The following ARHGAP6 variants were observed in gnomAD, a reference collection of about 807,000 sequenced individuals.
ARHGAP6 encodes rho GTPase-activating protein 6.
Under a neutral mutation model 55.7 loss-of-function variants are expected in ARHGAP6, and 16 were observed. The observed-to-expected ratio is 0.29, with a 90% CI of 0.19 to 0.44. The LOEUF is 0.44. Among genes scored for constraint, ARHGAP6 ranks in the 20% least tolerant of loss-of-function variants. ARHGAP6 has a pLI of 1.00. For missense variants in ARHGAP6, 698 were observed against 808.9 expected (o/e 0.86, Z 1.66); for synonymous variants, 382 against 360.9 (o/e 1.06, Z -0.66).
At chrX:11,272,671 C>T (rs1200159895) in intron 1 of ARHGAP6, among the ~76,000 whole-genome samples, 1 of 110,481 alleles carries the variant, frequency 9.1e-6, no homozygotes, top group African/African-American at 3.3e-5. Context: ...CTTAACAATG[C>T]TACCAATTAA....
chrX:11,275,190 TTGAC>T (rs1368855107), intron 1 of ARHGAP6, among the ~76,000 whole-genome samples: 13 of 111,981 alleles, frequency 1.2e-4, no homozygotes, highest in Non-Finnish European at 2.4e-4. Context: ...TATGTATCTC[TTGAC>T]TATTATATAT....
chrX:11,303,869 G>A (rs1347790283), intron 1 of ARHGAP6, among the ~76,000 whole-genome samples: 1 of 111,308 alleles, frequency 9.0e-6, no homozygotes, highest in Non-Finnish European at 1.9e-5. Context: ...CAGTACACTC[G>A]TCTATAAAAT....
intron 1 of ARHGAP6, among the ~76,000 whole-genome samples, chrX:11,284,892 A>T (rs1381769473): frequency 9.0e-6 from 1 of 111,650 alleles, no homozygotes; most frequent in Non-Finnish European, 1.9e-5. Context: ...ACAACCAAAA[A>T]TGCTTCCAAA....
At chrX:11,459,272 T>C (rs1569352515) in intron 1 of ARHGAP6, among the ~76,000 whole-genome samples, 2 of 111,766 alleles carry the variant, frequency 1.8e-5, no homozygotes, top group Admixed American at 9.6e-5. Flanking sequence ...CTTCGAGATA[T>C]GACTATCTTT....
At chrX:11,527,593 C>G (rs1259376772) in intron 1 of ARHGAP6, among the ~76,000 whole-genome samples, 1 of 111,712 alleles carries the variant, frequency 9.0e-6, no homozygotes, top group Non-Finnish European at 1.9e-5. Context: ...GCCTGGGCGA[C>G]AGAGCGAGAT....
chrX:11,252,551 T>C (rs2047437763), intron 2 of ARHGAP6, among the ~76,000 whole-genome samples: 1 of 112,171 alleles, frequency 8.9e-6, no homozygotes, highest in Admixed American at 9.4e-5. Flanking sequence ...TTTTTCACAA[T>C]TGCCTAAGTG....
chrX:11,171,331 AT>A (rs2046087933), intron 8 of ARHGAP6, among the ~76,000 whole-genome samples: 1 of 109,431 alleles, frequency 9.1e-6, no homozygotes, highest in Admixed American at 9.8e-5. Flanking sequence ...CTGGGATCAC[AT>A]CCATATATTA....
chrX:11,622,544 T>C (rs1362053134), intron 1 of ARHGAP6, among the ~76,000 whole-genome samples: 1 of 111,521 alleles, frequency 9.0e-6, no homozygotes, highest in Non-Finnish European at 1.9e-5. Flanking sequence ...GAGAAGGGTC[T>C]AGAACCATAA....
At chrX:11,458,522 C>T (rs1401693509) in intron 1 of ARHGAP6, among the ~76,000 whole-genome samples, 2 of 112,489 alleles carry the variant, frequency 1.8e-5, no homozygotes, top group Non-Finnish European at 3.7e-5. Context: ...AAGAGTATGT[C>T]TTGGAGTAGC....
intron 1 of ARHGAP6, among the ~76,000 whole-genome samples, chrX:11,523,599 C>A (rs146117680): frequency 0.013 from 1,478 of 111,640 alleles, 25 homozygotes; most frequent in African/African-American, 0.046. Flanking sequence ...TTCCAGTTAC[C>A]TTAGAAAAAA....
At chrX:11,404,769 C>T (rs1376255291) in intron 1 of ARHGAP6, among the ~76,000 whole-genome samples, 1 of 111,723 alleles carries the variant, frequency 9.0e-6, no homozygotes, top group African/African-American at 3.3e-5. Flanking sequence ...AAATCCTCAG[C>T]GAGCCTGGAT....
At chrX:11,520,206 C>T (rs1431043290) in intron 1 of ARHGAP6, among the ~76,000 whole-genome samples, 2 of 80,769 alleles carry the variant, frequency 2.5e-5, no homozygotes, top group Non-Finnish European at 2.3e-5. Flanking sequence ...TACATGTGCA[C>T]AATGTGCAGG....
intron 1 of ARHGAP6, among the ~76,000 whole-genome samples, chrX:11,480,046 G>A (rs1286558212): frequency 9.0e-6 from 1 of 111,503 alleles, no homozygotes; most frequent in Non-Finnish European, 1.9e-5. Context: ...GGAAATGTAC[G>A]ACAGTTGAGC....
chrX:11,405,101 C>T (rs961069340), intron 1 of ARHGAP6, among the ~76,000 whole-genome samples: 1 of 111,697 alleles, frequency 9.0e-6, no homozygotes, highest in Non-Finnish European at 1.9e-5. Flanking sequence ...GCTGGCTGCC[C>T]CTCCAGCAAA....
intron 1 of ARHGAP6, chrX:11,300,651 C>A (rs369247345): frequency 8.6e-7 from 1 of 1,164,061 alleles, no homozygotes; most frequent in Non-Finnish European, 1.2e-6. Context: ...ACTTCAGATG[C>A]TTTCAGGAGT....
chrX:11,577,472 T>C (rs2051614145), intron 1 of ARHGAP6, among the ~76,000 whole-genome samples: 1 of 111,789 alleles, frequency 8.9e-6, no homozygotes, highest in Non-Finnish European at 1.9e-5. Context: ...CTAGGATCAT[T>C]AACTCTCTGT....
chrX:11,294,681 C>T (rs949745077), intron 1 of ARHGAP6: 25 of 906,251 alleles, frequency 2.8e-5, no homozygotes, highest in Non-Finnish European at 4.0e-5. Flanking sequence ...TTCTTACTAG[C>T]AATAGACTAA....
chrX:11,591,813 A>C (rs999652675), intron 1 of ARHGAP6, among the ~76,000 whole-genome samples: 3 of 112,096 alleles, frequency 2.7e-5, no homozygotes, highest in African/African-American at 9.7e-5. Flanking sequence ...TGAAAGAATA[A>C]ATTAAATGAT....
At position 11,319,028 on chromosome X, in the gene ARHGAP6, C is replaced by A. The variant is rs778637164; in HGVS notation, c.589-64321G>T. Among the ~76,000 whole-genome samples, 3 of 111,968 alleles carry A rather than the reference C, an allele frequency of 2.7e-5. No homozygotes were observed. In the South Asian group the frequency reaches 1.1e-3, roughly 42 times the overall value. The stretch of plus-strand genomic sequence containing the variant: ...ATTTTCTCAGTTTATAAATGATAGA[C>A]CCATTGCCTAGAGAAAAGAACAGCT... On this transcript the variant is annotated intron_variant, in intron 1 of 12. Coordinates refer to ENST00000337414, the MANE Select transcript of ARHGAP6 (RefSeq NM_013427.3).
Sources: gnomAD v4.1 joint callset for allele counts (sites outside exome capture counted in the v4.1 genomes callset) on GRCh38, gnomAD v4.1.1 for gene constraint, MANE v1.5 for transcripts, NCBI Gene and HGNC (gene_info 2026-07-23, HGNC 2026-07-21) for gene names.